Variants in ARHGAP29 observed in about 807,000 individuals in gnomAD.
ARHGAP29 encodes Rho GTPase activating protein 29.
Under a neutral mutation model 122.6 loss-of-function variants are expected in ARHGAP29, and 43 were observed. The observed-to-expected ratio is 0.35, with a 90% CI of 0.27 to 0.45. The LOEUF is 0.45. ARHGAP29 is among the 20% of genes least tolerant of loss of function. The pLI is 1.00. For missense variants in ARHGAP29, 1,303 were observed against 1,477.2 expected (o/e 0.88, Z 1.93); for synonymous variants, 506 against 497.1 (o/e 1.02, Z -0.24).
At chr1:94,296,993 C>T in the ARHGAP29 span, among the ~76,000 whole-genome samples, 2 of 152,208 alleles carry the variant, frequency 1.3e-5, no homozygotes, top group South Asian at 4.2e-4. Context: ...AGACATAGTG[C>T]AGGGAGGATG....
Position 94,202,599 on chromosome 1 carries a change from T to C in ARHGAP29, c.1088A>G (p.Asn363Ser), listed in dbSNP as rs1279695037. ...HLSSSGGLAK[N>S]LNKQLEKKRR... ...CTTTTTTTCTAGTTGCTTGTTGAGA[T>C]TTTTTGCTAATCCGCCACTTGAAGA... Residue 363 changes from asparagine to serine, a missense_variant, in exon 11 of 23, where the codon AAT (asparagine) becomes AGT (serine). Physicochemically the swap from Asn to Ser is conservative, Grantham distance 46. Around this residue, in one of 3 missense-constraint regions of ARHGAP29, gnomAD observed 592 missense variants for 648.2 expected, o/e 0.91. Transcript: ENST00000260526. 13 of 1,614,228 alleles carry C rather than the reference T, an allele frequency of 8.1e-6. No individual in the cohort carries two copies. The highest frequency in any genetic ancestry group is 1.0e-5 in the Non-Finnish European group (12 of 1,180,036).
intron 19 of ARHGAP29, 146 bp downstream of exon 19, chr1:94,184,005 T>C: frequency 1.2e-6 from 1 of 807,632 alleles, no homozygotes; most frequent in South Asian, 1.8e-5. Flanking sequence ...TTTCATATAC[T>C]CTGACCTATG....
intron 2 of ARHGAP29, among the ~76,000 whole-genome samples, chr1:94,222,816 GTAT>G (rs918747687): frequency 1.4e-4 from 22 of 152,156 alleles, no homozygotes; most frequent in African/African-American, 4.8e-4. Flanking sequence ...TGGGAACTTT[GTAT>G]TATTATCTCA....
intron 15 of ARHGAP29, among the ~76,000 whole-genome samples, chr1:94,187,507 C>T (rs1185956547): frequency 1.3e-5 from 2 of 152,134 alleles, no homozygotes; most frequent in African/African-American, 4.8e-5. Context: ...AGAAATCTGC[C>T]TCCCTATAAA....
chr1:94,232,681 C>T (rs1238145791), intron 1 of ARHGAP29, among the ~76,000 whole-genome samples: 2 of 152,196 alleles, frequency 1.3e-5, no homozygotes, highest in Non-Finnish European at 2.9e-5. Flanking sequence ...ACACCTAATA[C>T]TGGCACATAG....
At chr1:94,270,833 C>T (rs753815349) in intron 1 of ARHGAP29, among the ~76,000 whole-genome samples, 3 of 152,224 alleles carry the variant, frequency 2.0e-5, no homozygotes, top group Non-Finnish European at 4.4e-5. Context: ...AGCTGCCAAG[C>T]AGTGTACTTG....
chr1:94,177,675 T>C lies in ARHGAP29; in HGVS notation c.2842A>G (p.Thr948Ala), dbSNP rs181149109. The change falls in exon 22 of 23, where the codon ACA (threonine) becomes GCA (alanine). Residue 948 changes from threonine to alanine, a missense_variant. Around this residue, in one of 3 missense-constraint regions of ARHGAP29, gnomAD observed 620 missense variants for 651.2 expected, o/e 0.95. Transcript: ENST00000260526. ...ESESKIFERA[T>A]SFEESERKQN... ...TTGCGTTCTGATTCCTCAAATGATG[T>C]AGCTCGTTCAAAAATTTTGCTTTCA... 4 of 1,613,764 alleles carry C rather than the reference T, an allele frequency of 2.5e-6. No individual in the cohort carries two copies. The highest frequency in any genetic ancestry group is 2.5e-6 in the Non-Finnish European group (3 of 1,179,906).
chr1:94,173,846 A>C lies in ARHGAP29; in HGVS notation c.*23T>G, dbSNP rs1648902067. 5.1e-6 allele frequency: 8 copies of C among 1,565,810 alleles called. No homozygotes were observed. The highest frequency in any genetic ancestry group is 1.9e-5 in the Admixed American group (1 of 52,872). ...CCACAAAATAACACAACAACAACAA[A>C]AAAACCCTGAAATTTGACATCCCTA... On this transcript the variant is annotated 3_prime_UTR_variant, in exon 23 of 23. Transcript: ENST00000260526.
chr1:94,223,356 A>C (rs1206452201), intron 2 of ARHGAP29, among the ~76,000 whole-genome samples: 1 of 152,122 alleles, frequency 6.6e-6, no homozygotes, highest in African/African-American at 2.4e-5. Context: ...CTGACTTTGA[A>C]TTCTAACTTC....
intron 8 of ARHGAP29, among the ~76,000 whole-genome samples, 160 bp from the exon 9 acceptor site, chr1:94,203,370 T>G (rs1557858503): frequency 6.6e-6 from 1 of 151,988 alleles, no homozygotes. Flanking sequence ...TAGAAGAAAA[T>G]TAATTATAAT....
chr1:94,179,046 T>A (rs1306791426), intron 20 of ARHGAP29, among the ~76,000 whole-genome samples: 1 of 152,130 alleles, frequency 6.6e-6, no homozygotes, highest in African/African-American at 2.4e-5. Flanking sequence ...TGCATAGCTG[T>A]TAGAACAATG....
At chr1:94,179,481 C>G (rs1649310757) in intron 20 of ARHGAP29, among the ~76,000 whole-genome samples, 2 of 150,406 alleles carry the variant, frequency 1.3e-5, no homozygotes, top group Non-Finnish European at 2.9e-5. Context: ...GTACTCCCAG[C>G]TACTTGGGAG....
chr1:94,250,005 T>C (rs1464803851), intron 1 of ARHGAP29, among the ~76,000 whole-genome samples: 5 of 151,624 alleles, frequency 3.3e-5, no homozygotes, highest in African/African-American at 1.2e-4. Context: ...CAGTGTGATT[T>C]TTTTTTTAAA....
At chr1:94,202,401 G>A in intron 11 of ARHGAP29, 143 bp downstream of exon 11, 1 of 943,784 alleles carries the variant, frequency 1.1e-6, no homozygotes, top group South Asian at 1.7e-5. Flanking sequence ...TTGACCTACT[G>A]AATGAGAAAC....
At chr1:94,277,160 T>C (rs1655223591), upstream of ARHGAP29, among the ~76,000 whole-genome samples, 1 of 152,238 alleles carries the variant, frequency 6.6e-6, no homozygotes, top group Non-Finnish European at 1.5e-5. Context: ...TACTTTGGAA[T>C]GTATTTTTAT....
chr1:94,187,247 C>G (rs1649864829), intron 15 of ARHGAP29, among the ~76,000 whole-genome samples: 1 of 152,148 alleles, frequency 6.6e-6, no homozygotes, highest in South Asian at 2.1e-4. Flanking sequence ...TCTGCACAGG[C>G]CTATATCTAA....
the ARHGAP29 span, among the ~76,000 whole-genome samples, chr1:94,288,707 T>C: frequency 6.6e-6 from 1 of 152,232 alleles, no homozygotes; most frequent in Non-Finnish European, 1.5e-5. Context: ...GTTTCAGCTT[T>C]CTACATATGG....
At chr1:94,223,436 G>A (rs928657254) in intron 2 of ARHGAP29, among the ~76,000 whole-genome samples, 1 of 151,944 alleles carries the variant, frequency 6.6e-6, no homozygotes, top group African/African-American at 2.4e-5. Context: ...TAAAAAAAAA[G>A]ATAAGGTAGC....
chr1:94,208,502 T>A (rs926198762), intron 5 of ARHGAP29, among the ~76,000 whole-genome samples: 3 of 151,910 alleles, frequency 2.0e-5, no homozygotes, highest in African/African-American at 7.3e-5. Flanking sequence ...CTCTGTCACC[T>A]AGGCTGGAGT....
Sources: allele counts gnomAD v4.1 joint callset (sites outside exome capture counted in the v4.1 genomes callset), GRCh38; gene constraint gnomAD v4.1.1; regional missense constraint gnomAD v4.1.1; transcripts MANE v1.5; gene names NCBI Gene and HGNC (gene_info 2026-07-23, HGNC 2026-07-21).